DOCK7: variants seen among roughly 807,000 people sequenced by gnomAD.
The protein encoded by DOCK7 is dedicator of cytokinesis 7, also known as dedicator of cytokinesis protein 7.
Under a neutral mutation model 271.0 loss-of-function variants are expected in DOCK7, and 138 were observed. The observed-to-expected ratio is 0.51, with a 90% CI of 0.44 to 0.59. The LOEUF is 0.59. DOCK7 is among the 20% of genes least tolerant of loss of function. DOCK7 has a pLI of 0.00. For synonymous variants in DOCK7, 823 were observed against 876.1 expected, an observed-to-expected ratio of 0.94 and a Z score of 1.07; for missense variants, 2,066 against 2,592.4, an observed-to-expected ratio of 0.80 and a Z score of 4.41.
rs1646996376 is a variant in DOCK7 at position 62,508,115 on chromosome 1, A to G, written c.4380-57T>C. On this transcript the variant is annotated intron_variant, in intron 34 of 49. Coordinates refer to ENST00000635253, the MANE Select transcript of DOCK7 (RefSeq NM_001367561.1). ...ATCTTTTTGAAAACTACAATTCTGA[A>G]AAGACTTAAGGATGCATAGAAATAA... is the stretch of plus-strand genomic sequence containing the variant. 3 of 1,482,908 alleles carry G rather than the reference A, an allele frequency of 2.0e-6. No individual in the cohort carries two copies. In the South Asian group the frequency reaches 3.8e-5, roughly 19 times the overall value. 91.9% of individuals were successfully genotyped at this position (1,482,908 alleles called of 1,614,324 possible).
chr1:62,476,336 C>T (rs1645967658), intron 44 of DOCK7, 180 bp from the exon 45 acceptor site: 1 of 509,438 alleles, frequency 2.0e-6, no homozygotes, highest in East Asian at 3.0e-5. Flanking sequence ...TTAGCATGGT[C>T]TCGGTCCATA....
At chr1:62,490,079 T>A (rs1032918393) in intron 41 of DOCK7, among the ~76,000 whole-genome samples, 1 of 150,264 alleles carries the variant, frequency 6.7e-6, no homozygotes, top group African/African-American at 2.4e-5. Flanking sequence ...TTTTTTTTTT[T>A]AAATAATAAG....
intron 18 of DOCK7, among the ~76,000 whole-genome samples, chr1:62,565,420 A>T (rs1646479261): frequency 6.6e-6 from 1 of 152,172 alleles, no homozygotes. Flanking sequence ...GCAAATAAAT[A>T]AACGTAATCC....
At chr1:62,620,454 A>G (rs1367708471) in intron 12 of DOCK7, among the ~76,000 whole-genome samples, 1 of 152,126 alleles carries the variant, frequency 6.6e-6, no homozygotes, top group African/African-American at 2.4e-5. Flanking sequence ...TATAAATATC[A>G]TACCAGTTTA....
chr1:62,577,997 C>T (rs1436621945), intron 17 of DOCK7, among the ~76,000 whole-genome samples: 1 of 151,940 alleles, frequency 6.6e-6, no homozygotes, highest in African/African-American at 2.4e-5. Context: ...GATCTTGGCT[C>T]ACTGCAACCT....
intron 48 of DOCK7, among the ~76,000 whole-genome samples, chr1:62,472,951 T>G (rs902930421): frequency 2.0e-5 from 3 of 152,204 alleles, no homozygotes; most frequent in Non-Finnish European, 4.4e-5. Flanking sequence ...CCTGTGTGAC[T>G]TGACTGGCAG....
chr1:62,496,274 A>G, intron 38 of DOCK7, 65 bp downstream of exon 38: 1 of 1,576,828 alleles, frequency 6.3e-7, no homozygotes, highest in Non-Finnish European at 8.6e-7. Context: ...TTGATTTAAC[A>G]ATTTGGAAAG....
In DOCK7 at chr1:62,529,386, G is replaced by T. The variant is rs780602578; in HGVS notation, c.3672C>A (p.Asp1224Glu). ...NMVHNLLSSHDSDPRYSDPQI... is the reference protein window; with the variant it reads ...NMVHNLLSSHESDPRYSDPQI... ...GAGGGTCAGAGTACCGCGGGTCTGA[G>T]TCGTGACTGGAGAGTAAATTGTGTA... Residue 1224 changes from aspartate (D) to glutamate (E), a missense_variant, in exon 30 of 50, where the codon GAC (aspartate) becomes GAA (glutamate). Around this residue, in one of 2 missense-constraint regions of DOCK7, gnomAD observed 1,414 missense variants for 1,670.4 expected, o/e 0.85. Coordinates refer to ENST00000635253, the MANE Select transcript of DOCK7 (RefSeq NM_001367561.1). The T allele has an allele frequency of 6.2e-7, 1 of 1,613,766 alleles. No homozygotes were observed. The highest frequency in any genetic ancestry group is 8.5e-7 in the Non-Finnish European group (1 of 1,179,906).
At chr1:62,674,467 T>C (rs1274444911) in intron 1 of DOCK7, among the ~76,000 whole-genome samples, 3 of 152,164 alleles carry the variant, frequency 2.0e-5, no homozygotes, top group Non-Finnish European at 4.4e-5. Context: ...TCCTAAAATG[T>C]ATATGAAAAT....
intron 37 of DOCK7, among the ~76,000 whole-genome samples, chr1:62,497,237 C>T (rs965252924): frequency 1.1e-4 from 17 of 152,022 alleles, no homozygotes; most frequent in African/African-American, 4.1e-4. Flanking sequence ...GTTATTCTTC[C>T]TAAATACCAG....
intron 31 of DOCK7, among the ~76,000 whole-genome samples, chr1:62,527,874 TA>T (rs34335688): frequency 8.9e-5 from 12 of 135,510 alleles, no homozygotes; most frequent in African/African-American, 1.1e-4. Flanking sequence ...ACTTAAAGTA[TA>T]AAAAAAAAAA....
At chr1:62,484,292 C>G (rs1646228672) in intron 43 of DOCK7, 1 of 151,712 alleles carries the variant, frequency 6.6e-6, no homozygotes, top group African/African-American at 2.4e-5. Context: ...TCTTCTCTAG[C>G]CTTTCCAGAA....
intron 48 of DOCK7, among the ~76,000 whole-genome samples, chr1:62,472,013 A>T (rs1645843523): frequency 6.6e-6 from 1 of 151,336 alleles, no homozygotes; most frequent in Non-Finnish European, 1.5e-5. Flanking sequence ...ATGGTAACAC[A>T]CAAAAATAAA....
intron 27 of DOCK7, 100 bp downstream of exon 27, chr1:62,539,445 T>TA: frequency 1.0e-6 from 1 of 982,636 alleles, no homozygotes; most frequent in Non-Finnish European, 1.5e-6. Flanking sequence ...TTAACATCAG[T>TA]ATATAAATGT....
intron 48 of DOCK7, among the ~76,000 whole-genome samples, chr1:62,467,462 G>C (rs1645712370): frequency 6.6e-6 from 1 of 152,198 alleles, no homozygotes; most frequent in South Asian, 2.1e-4. Context: ...ACTGACATGA[G>C]ACCATCTGGC....
intron 35 of DOCK7, among the ~76,000 whole-genome samples, chr1:62,507,162 G>C (rs1301242832): frequency 6.6e-6 from 1 of 151,952 alleles, no homozygotes; most frequent in African/African-American, 2.4e-5. Flanking sequence ...TGGATGGTGG[G>C]AAGAATACAG....
At chr1:62,514,353 C>A (rs1644594910) in intron 31 of DOCK7, among the ~76,000 whole-genome samples, 1 of 152,006 alleles carries the variant, frequency 6.6e-6, no homozygotes, top group African/African-American at 2.4e-5. Flanking sequence ...TGTTTTTAAT[C>A]AAGCACCACT....
At chr1:62,606,892 T>C (rs557256848) in intron 14 of DOCK7, among the ~76,000 whole-genome samples, 2 of 152,180 alleles carry the variant, frequency 1.3e-5, no homozygotes, top group Admixed American at 1.3e-4. Context: ...CAATACCCTA[T>C]ACTTCACTCA....
intron 14 of DOCK7, chr1:62,601,156 C>T: frequency 6.2e-7 from 1 of 1,610,696 alleles, no homozygotes; most frequent in Non-Finnish European, 8.5e-7. Context: ...GAACTACTCC[C>T]TTTCTTCAGT....
Sources: allele counts gnomAD v4.1 joint callset (sites outside exome capture counted in the v4.1 genomes callset), GRCh38; gene constraint gnomAD v4.1.1; regional missense constraint gnomAD v4.1.1; transcripts MANE v1.5; gene names NCBI Gene and HGNC (gene_info 2026-07-23, HGNC 2026-07-21).